HCN1: variants seen among roughly 807,000 people sequenced by gnomAD.
HCN1 encodes potassium/sodium hyperpolarization-activated cyclic nucleotide-gated channel 1.
A neutral mutation model predicts 78.9 loss-of-function variants in HCN1; 13 were observed. The ratio of observed to expected loss-of-function variants is 0.16; its 90% CI spans 0.11 to 0.26. The LOEUF (loss-of-function observed/expected upper bound fraction) is 0.26, where lower values mean the gene tolerates loss of function less well. HCN1 is among the 10% of genes least tolerant of loss of function. The probability of loss-of-function intolerance (pLI) is 1.00; values close to 1 mark genes in which losing one functional copy is unlikely to be tolerated. For missense variants in HCN1, 810 were observed against 1,154.3 expected (o/e 0.70, Z 4.32); for synonymous variants, 552 against 455.5 (o/e 1.21, Z -2.70).
chr5:45,645,055 G>C (rs780425834), intron 2 of HCN1, 130 bp downstream of exon 2: 1 of 663,408 alleles, frequency 1.5e-6, no homozygotes, highest in South Asian at 1.9e-5. Flanking sequence ...GCATGGAAAA[G>C]AGTCGTCGAA....
intron 5 of HCN1, among the ~76,000 whole-genome samples, chr5:45,347,283 C>G (rs923059012): frequency 6.6e-6 from 1 of 152,184 alleles, no homozygotes; most frequent in Non-Finnish European, 1.5e-5. Flanking sequence ...CTAGCAAACT[C>G]CAACAGACCT....
chr5:45,562,682 G>A (rs754831239), intron 2 of HCN1, among the ~76,000 whole-genome samples: 8 of 152,164 alleles, frequency 5.3e-5, no homozygotes, highest in Non-Finnish European at 7.4e-5. Context: ...TATTAAGAAT[G>A]TGAGAATTGT....
intron 2 of HCN1, among the ~76,000 whole-genome samples, chr5:45,502,590 A>C (rs1742212375): frequency 6.6e-6 from 1 of 152,142 alleles, no homozygotes; most frequent in Non-Finnish European, 1.5e-5. Context: ...ATATTAGATA[A>C]ATGATAACTA....
At chr5:45,476,259 A>C (rs1741512563) in intron 2 of HCN1, among the ~76,000 whole-genome samples, 1 of 152,112 alleles carries the variant, frequency 6.6e-6, no homozygotes, top group Admixed American at 6.6e-5. Context: ...CAGATACTTC[A>C]TCTGCTGGCA....
intron 2 of HCN1, among the ~76,000 whole-genome samples, chr5:45,566,147 T>A (rs906572536): frequency 6.6e-6 from 1 of 152,196 alleles, no homozygotes; most frequent in Non-Finnish European, 1.5e-5. Context: ...ATTTTTCTCA[T>A]CTCTCCTAAT....
chr5:45,269,227 G>A (rs1411027761), intron 6 of HCN1, among the ~76,000 whole-genome samples: 2 of 152,178 alleles, frequency 1.3e-5, no homozygotes, highest in African/African-American at 2.4e-5. Flanking sequence ...GATTTGTGGT[G>A]ATGGTTTCAT....
intron 1 of HCN1, among the ~76,000 whole-genome samples, chr5:45,658,940 G>A (rs1156798359): frequency 6.9e-6 from 1 of 144,676 alleles, no homozygotes; most frequent in Non-Finnish European, 1.5e-5. Flanking sequence ...CTCGAACTGG[G>A]TGGAGCCCAC....
intron 3 of HCN1, among the ~76,000 whole-genome samples, chr5:45,411,059 C>T (rs1740011620): frequency 6.6e-6 from 1 of 152,072 alleles, no homozygotes; most frequent in South Asian, 2.1e-4. Flanking sequence ...CTTTTACTAG[C>T]ACTCATAAAG....
intron 3 of HCN1, among the ~76,000 whole-genome samples, chr5:45,406,482 C>T (rs1160454804): frequency 6.6e-6 from 1 of 152,022 alleles, no homozygotes; most frequent in Non-Finnish European, 1.5e-5. Context: ...GAAATGCAAA[C>T]GTTGGAAAAA....
intron 2 of HCN1, among the ~76,000 whole-genome samples, chr5:45,630,614 T>C (rs1046513528): frequency 6.6e-6 from 1 of 152,190 alleles, no homozygotes; most frequent in Non-Finnish European, 1.5e-5. Context: ...CATCTCTGTA[T>C]ACCTAAGCTA....
At chr5:45,626,857 A>G (rs770144033) in intron 2 of HCN1, among the ~76,000 whole-genome samples, 1 of 151,960 alleles carries the variant, frequency 6.6e-6, no homozygotes, top group Non-Finnish European at 1.5e-5. Flanking sequence ...AAATAAAAAT[A>G]AAAAAACCTC....
chr5:45,585,558 T>A (rs1744197357), intron 2 of HCN1, among the ~76,000 whole-genome samples: 1 of 152,350 alleles, frequency 6.6e-6, no homozygotes, highest in East Asian at 1.9e-4. Flanking sequence ...CTTTGTTCTG[T>A]TGCTGGTGAG....
In HCN1 at chr5:45,575,103, A is replaced by G. The variant is rs575680554; in HGVS notation, c.849+70082T>C. On this transcript the variant is annotated intron_variant, in intron 2 of 7. Transcript: ENST00000303230. ...CATGAAGGTGAACGAAGGTGGCTACACTAAACAACATATTTTCAATGTAGA... is the reference window on the plus strand; with the variant it reads ...CATGAAGGTGAACGAAGGTGGCTACGCTAAACAACATATTTTCAATGTAGA... 24 of 152,320 alleles carry G rather than the reference A, an allele frequency of 1.6e-4. 1 individual carries two copies. Among genetic ancestry groups the G allele is most frequent in the African/African-American group, 5.8e-4 (24 of 41,582 alleles). The allele number at this position is 152,320 out of a possible 1,614,324, so 9.4% of individuals were successfully genotyped here. A position where few individuals can be genotyped will look rare whatever the true frequency, so the allele number is the denominator to read the frequency against.
intron 3 of HCN1, among the ~76,000 whole-genome samples, chr5:45,439,128 T>G (rs1740621902): frequency 6.6e-6 from 1 of 152,260 alleles, no homozygotes; most frequent in East Asian, 1.9e-4. Flanking sequence ...TAATAAGCAC[T>G]ATTTCAATTT....
intron 4 of HCN1, among the ~76,000 whole-genome samples, chr5:45,375,796 GATATATCTT>G (rs1747625170): frequency 9.1e-6 from 1 of 109,396 alleles, no homozygotes; most frequent in Non-Finnish European, 1.7e-5. Flanking sequence ...AATATTTTAT[GATATATCTT>G]ATATATAATA....
At chr5:45,562,777 A>AATTTTTT (rs1231528301) in intron 2 of HCN1, among the ~76,000 whole-genome samples, 101 of 152,338 alleles carry the variant, frequency 6.6e-4, no homozygotes, top group Admixed American at 1.8e-3. Flanking sequence ...TGCTTAACAA[A>AATTTTTT]TGTACGCAAA....
At chr5:45,529,862 A>G (rs922479730) in intron 2 of HCN1, among the ~76,000 whole-genome samples, 3 of 152,086 alleles carry the variant, frequency 2.0e-5, no homozygotes, top group Non-Finnish European at 2.9e-5. Context: ...TATCTTTAAT[A>G]TTTTCTACAA....
chr5:45,603,904 C>T (rs1048633290), intron 2 of HCN1, among the ~76,000 whole-genome samples: 2 of 151,980 alleles, frequency 1.3e-5, no homozygotes, highest in South Asian at 2.1e-4. Flanking sequence ...TGACAAAATA[C>T]GGTGTTTATT....
At chr5:45,556,914 C>T (rs1031068045) in intron 2 of HCN1, among the ~76,000 whole-genome samples, 1 of 151,986 alleles carries the variant, frequency 6.6e-6, no homozygotes, top group Non-Finnish European at 1.5e-5. Context: ...CCTATTGACA[C>T]CTGAAATATC....
Sources: gnomAD v4.1 joint callset for allele counts (sites outside exome capture counted in the v4.1 genomes callset) on GRCh38, gnomAD v4.1.1 for gene constraint, MANE v1.5 for transcripts, NCBI Gene and HGNC (gene_info 2026-07-23, HGNC 2026-07-21) for gene names.